Variants in CEACAM21 observed in about 807,000 individuals in gnomAD.
CEACAM21 encodes CEA cell adhesion molecule 21.
CEACAM21 carries 38 observed loss-of-function variants against 33.2 expected under a neutral mutation model. The ratio of observed to expected loss-of-function variants is 1.14; its 90% confidence interval spans 0.88 to 1.50. The LOEUF is 1.50. Ranked by LOEUF, CEACAM21 falls within the 40% of genes most tolerant of loss-of-function variation. The pLI, the probability that CEACAM21 is intolerant of heterozygous loss-of-function variation, is 0.00. For missense variants in CEACAM21, 385 were observed against 364.6 expected (o/e 1.06, Z -0.46); for synonymous variants, 156 against 143.0 (o/e 1.09, Z -0.65).
Position 41,579,647 on chromosome 19 carries a change from C to G in CEACAM21, c.700+19C>G. 3 of 1,476,096 alleles carry G rather than the reference C, an allele frequency of 2.0e-6. No homozygotes were observed. Among genetic ancestry groups the G allele is most frequent in the Non-Finnish European group, 1.8e-6 (2 of 1,091,932 alleles). 91.4% of individuals were successfully genotyped at this position (1,476,096 alleles called of 1,614,324 possible). On this transcript the variant is annotated intron_variant, in intron 3 of 6. Coordinates refer to ENST00000401445, the MANE Select transcript of CEACAM21 (RefSeq NM_001098506.4). ...GTAAAATGTGAGTGACCCTCGGCCCCTCTCACTCCTTTCCTTGTATATTTT... is the reference window on the plus strand; with the variant it reads ...GTAAAATGTGAGTGACCCTCGGCCCGTCTCACTCCTTTCCTTGTATATTTT...
At chr19:41,584,488 C>A (rs782634413) in intron 4 of CEACAM21, 45 bp downstream of exon 4, 3 of 1,522,328 alleles carry the variant, frequency 2.0e-6, no homozygotes, top group East Asian at 2.4e-5. Context: ...TCACGCTGAC[C>A]CCAGGCGAGA....
At chr19:41,559,363 T>G (rs2041730044) in intron 1 of CEACAM21, among the ~76,000 whole-genome samples, 1 of 152,190 alleles carries the variant, frequency 6.6e-6, no homozygotes, top group Non-Finnish European at 1.5e-5. Flanking sequence ...TGAGAATATG[T>G]CTTACCAAAA....
rs368702110 is a variant in CEACAM21 at position 41,577,312 on chromosome 19, C to G, written c.177C>G (p.Pro59=). The change falls in exon 2 of 7, where the codon CCC becomes CCG. Residue 59 remains proline, a synonymous_variant. Transcript: ENST00000401445. ...ENVHLSVVYL[P]ENLYSYGWYK... Reference sequence around the variant, plus strand: ...TTCATCTCTCTGTGGTTTATCTGCCCGAGAATCTTTACAGCTATGGCTGGT... The same window carrying G: ...TTCATCTCTCTGTGGTTTATCTGCCGGAGAATCTTTACAGCTATGGCTGGT... 2 of 1,613,994 alleles carry G rather than the reference C, an allele frequency of 1.2e-6. No homozygotes were observed. Among genetic ancestry groups the G allele is most frequent in the Non-Finnish European group, 1.7e-6 (2 of 1,179,960 alleles).
chr19:41,560,271 G>A (rs4803482), intron 1 of CEACAM21, among the ~76,000 whole-genome samples: 5,244 of 151,870 alleles, frequency 0.035, 174 homozygotes, highest in Admixed American at 0.082. Flanking sequence ...CATCCAGGCT[G>A]GAGTACAGTG....
chr19:41,552,458 T>A (rs2041270192), intron 1 of CEACAM21, among the ~76,000 whole-genome samples: 2 of 152,230 alleles, frequency 1.3e-5, no homozygotes, highest in Admixed American at 6.5e-5. Context: ...GGTGGGCTTT[T>A]GTTACATTCT....
chr19:41,556,832 T>A lies in CEACAM21; in HGVS notation c.-779+7280T>A, dbSNP rs374067527. On this transcript the variant is annotated intron_variant, in intron 1 of 7. Coordinates refer to the CEACAM21 transcript ENST00000407170. ...TTTTGGCAGGGGGTCAGATTTTTTA[T>A]CTTTAATTTTATCAGAAGGATTTTT... Among the ~76,000 whole-genome samples the A allele has an allele frequency of 5.9e-5, 9 of 152,362 alleles. No homozygotes were observed. In the East Asian group the frequency reaches 1.2e-3, roughly 20 times the overall value.
chr19:41,578,840 C>G (rs1369548462), intron 2 of CEACAM21, among the ~76,000 whole-genome samples: 1 of 152,214 alleles, frequency 6.6e-6, no homozygotes, highest in Non-Finnish European at 1.5e-5. Flanking sequence ...TCAGCTTTCT[C>G]TTCCCACTAC....
chr19:41,577,148 T>C, intron 1 of CEACAM21, 52 bp from the exon 2 acceptor site: 1 of 1,610,582 alleles, frequency 6.2e-7, no homozygotes, highest in Non-Finnish European at 8.5e-7. Flanking sequence ...ACCCCGTCTT[T>C]CCATGCCAAT....
chr19:41,582,597 C>T (rs182261755), intron 3 of CEACAM21, among the ~76,000 whole-genome samples: 2 of 152,238 alleles, frequency 1.3e-5, no homozygotes, highest in African/African-American at 4.8e-5. Context: ...AACCTCAATC[C>T]TTGACTTCTG....
chr19:41,584,636 C>G (rs1456282485), intron 4 of CEACAM21, among the ~76,000 whole-genome samples, 193 bp downstream of exon 4: 1 of 152,156 alleles, frequency 6.6e-6, no homozygotes, highest in Non-Finnish European at 1.5e-5. Context: ...GCTTTGTCCT[C>G]AGTGAATTCA....
rs782398075 is a variant in CEACAM21, at chr19:41,576,357, G to T, written c.64+19G>T. 2.5e-6 allele frequency: 4 copies of T among 1,600,636 alleles called. No homozygotes were observed. Among genetic ancestry groups the T allele is most frequent in the Non-Finnish European group, 1.7e-6 (2 of 1,173,642 alleles). ...CTCACAGGTGAGGGGAGGACTCCCT[G>T]GGAGTGGGTGGGAGGAGGGAGCACA... is the stretch of plus-strand genomic sequence containing the variant. On this transcript the variant is annotated intron_variant, in intron 1 of 6. Transcript: ENST00000401445.
At chr19:41,586,192 T>A in intron 6 of CEACAM21, 1 of 570,402 alleles carries the variant, frequency 1.8e-6, no homozygotes, top group Non-Finnish European at 3.2e-6. Context: ...CTCTCATCTA[T>A]GAGGTGAGTG....
upstream of CEACAM21, among the ~76,000 whole-genome samples, chr19:41,571,652 T>C (rs2042620756): frequency 3.3e-5 from 5 of 152,232 alleles, no homozygotes. Context: ...TTGTAGACTT[T>C]TGTATTATTC....
chr19:41,558,894 C>A (rs2041702923), intron 1 of CEACAM21, among the ~76,000 whole-genome samples: 1 of 152,142 alleles, frequency 6.6e-6, no homozygotes, highest in African/African-American at 2.4e-5. Flanking sequence ...CTTAATTAAA[C>A]AAACTTTCAT....
At chr19:41,557,685 AAG>A (rs2041621082) in intron 1 of CEACAM21, among the ~76,000 whole-genome samples, 1 of 152,302 alleles carries the variant, frequency 6.6e-6, no homozygotes, top group East Asian at 1.9e-4. Flanking sequence ...CATCCCTAAA[AAG>A]AGAGAGCATG....
At chr19:41,567,912 A>T (rs2122195512) in intron 2 of CEACAM21, among the ~76,000 whole-genome samples, 1 of 144,298 alleles carries the variant, frequency 6.9e-6, no homozygotes, top group African/African-American at 2.7e-5. Flanking sequence ...AAAAAAAAAA[A>T]TGCTTTGGAC....
intron 2 of CEACAM21, among the ~76,000 whole-genome samples, chr19:41,566,010 T>A (rs546135034): frequency 1.7e-4 from 26 of 151,920 alleles, no homozygotes; most frequent in African/African-American, 6.3e-4. Flanking sequence ...TGAACTCTCA[T>A]GAAAAGGGTG....
chr19:41,580,095 G>T lies in CEACAM21; in HGVS notation c.700+467G>T, dbSNP rs532306571. ...ACTTACCAGTTCTGTAATCTTAATT[G>T]AAGTACTGAATCTTAATTGAAGTAC... On this transcript the variant is annotated intron_variant, in intron 3 of 6. Transcript: ENST00000401445. Among the ~76,000 whole-genome samples, 28 of 152,052 alleles carry T rather than the reference G, an allele frequency of 1.8e-4. No homozygotes were observed. The South Asian group carries it at 5.6e-3, about 30-fold the overall frequency.
At chr19:41,558,310 G>A (rs1555785997) in intron 1 of CEACAM21, among the ~76,000 whole-genome samples, 1 of 152,084 alleles carries the variant, frequency 6.6e-6, no homozygotes, top group East Asian at 1.9e-4. Flanking sequence ...AAAAACATTT[G>A]ACTATCTTTG....
Sources: allele counts gnomAD v4.1 joint callset (sites outside exome capture counted in the v4.1 genomes callset), GRCh38; gene constraint gnomAD v4.1.1; transcripts MANE v1.5; gene names NCBI Gene and HGNC (gene_info 2026-07-23, HGNC 2026-07-21).